The following ALG5 variants were observed in gnomAD, a reference collection of about 807,000 sequenced individuals.
ALG5 encodes the protein ALG5 dolichyl-phosphate beta-glucosyltransferase.
ALG5 carries 26 observed loss-of-function variants against 51.8 expected under a neutral mutation model. The ratio of observed to expected loss-of-function variants is 0.50; its 90% CI spans 0.37 to 0.70. The LOEUF is 0.70. Among genes scored for constraint, ALG5 ranks in the 30% least tolerant of loss-of-function variants. The pLI is 0.00. For synonymous variants in ALG5, 141 were observed against 136.1 expected, an observed-to-expected ratio of 1.04 and a Z score of -0.25; for missense variants, 311 against 399.3, an observed-to-expected ratio of 0.78 and a Z score of 1.88.
At chr13:36,989,888 C>CA (rs957395969) in intron 4 of ALG5, among the ~76,000 whole-genome samples, 4 of 152,086 alleles carry the variant, frequency 2.6e-5, no homozygotes, top group African/African-American at 7.2e-5. Context: ...CAAAAAACAA[C>CA]AAAAAAACCC....
At chr13:36,985,849 G>T in intron 5 of ALG5, 109 bp from the exon 6 acceptor site, 1 of 632,806 alleles carries the variant, frequency 1.6e-6, no homozygotes, top group African/African-American at 1.8e-5. Context: ...GATGAGGTAT[G>T]AGATGGCTGA....
At chr13:36,972,203 C>G (rs2058927230) in intron 6 of ALG5, among the ~76,000 whole-genome samples, 167 bp from the exon 7 acceptor site, 1 of 151,924 alleles carries the variant, frequency 6.6e-6, no homozygotes, top group Non-Finnish European at 1.5e-5. Flanking sequence ...CTTTGAGAAG[C>G]CTAATCATAC....
At chr13:36,999,169 G>C (rs1445870981) in intron 1 of ALG5, 66 bp downstream of exon 1, 6 of 1,399,924 alleles carry the variant, frequency 4.3e-6, no homozygotes, top group Non-Finnish European at 5.7e-6. Flanking sequence ...GGGGACGCCT[G>C]AGGAGCCGCA....
chr13:36,956,755 T>C lies in ALG5; in HGVS notation c.774-4156A>G, dbSNP rs529068055. Among the ~76,000 whole-genome samples the C allele has an allele frequency of 5.7e-3, 869 of 152,198 alleles. 4 individuals carry two copies. Among genetic ancestry groups the C allele is most frequent in the Non-Finnish European group, 8.2e-3 (561 of 68,018 alleles). ...GGTCCGTGTTTGTTACGGCTCGAGCTGAGCTTTAAGAGGTGGCAGTCTTAC... is the reference window on the plus strand; with the variant it reads ...GGTCCGTGTTTGTTACGGCTCGAGCCGAGCTTTAAGAGGTGGCAGTCTTAC... On this transcript the variant is annotated intron_variant, in intron 8 of 9. Coordinates refer to ENST00000239891, the MANE Select transcript of ALG5 (RefSeq NM_013338.5).
intron 6 of ALG5, 119 bp downstream of exon 6, chr13:36,985,508 A>G (rs2058998109): frequency 1.5e-6 from 1 of 678,962 alleles, no homozygotes; most frequent in Non-Finnish European, 2.5e-6. Flanking sequence ...CCATTTGTAT[A>G]AGGATTTCAT....
chr13:36,985,888 T>C (rs1235780906), intron 5 of ALG5, 148 bp from the exon 6 acceptor site: 3 of 498,078 alleles, frequency 6.0e-6, no homozygotes, highest in African/African-American at 1.9e-5. Context: ...GAAAACAAAT[T>C]ACCTGTATAT....
intron 7 of ALG5, 132 bp from the exon 8 acceptor site, chr13:36,965,858 C>T (rs1402850151): frequency 1.4e-6 from 1 of 709,512 alleles, no homozygotes; most frequent in Non-Finnish European, 2.2e-6. Context: ...CACCACTGTT[C>T]CATGAGCTTC....
intron 8 of ALG5, among the ~76,000 whole-genome samples, chr13:36,958,029 T>C (rs2058848500): frequency 6.6e-6 from 1 of 151,982 alleles, no homozygotes; most frequent in African/African-American, 2.4e-5. Context: ...AAACCGAAAA[T>C]CCAGGAGACA....
At chr13:36,953,278 G>A (rs146790716) in intron 8 of ALG5, among the ~76,000 whole-genome samples, 3 of 152,268 alleles carry the variant, frequency 2.0e-5, no homozygotes, top group Admixed American at 2.0e-4. Context: ...ACCATTTCCA[G>A]TCTAAATCTC....
At chr13:36,980,098 CT>C (rs1335548543) in intron 6 of ALG5, among the ~76,000 whole-genome samples, 1 of 152,008 alleles carries the variant, frequency 6.6e-6, no homozygotes, top group Non-Finnish European at 1.5e-5. Context: ...AAGTCACAGC[CT>C]GAGAAATGAC....
At chr13:36,962,975 G>T (rs1320568236) in intron 8 of ALG5, among the ~76,000 whole-genome samples, 1 of 152,044 alleles carries the variant, frequency 6.6e-6, no homozygotes, top group Non-Finnish European at 1.5e-5. Flanking sequence ...TAAGAGACAG[G>T]ATTTACCCTG....
Position 36,984,219 on chromosome 13 carries a change from C to A in ALG5, c.561+1408G>T, listed in dbSNP as rs148532762. Among the ~76,000 whole-genome samples the A allele has an allele frequency of 3.0e-4, 46 of 151,966 alleles. No individual in the cohort carries two copies. The East Asian group carries it at 8.9e-3, about 29-fold the overall frequency. ...GCTCAAATGATCCTCCTGCCTCAGCCTCCTAAGTAGCTGGGACTAGACGCA... is the reference window on the plus strand; with the variant it reads ...GCTCAAATGATCCTCCTGCCTCAGCATCCTAAGTAGCTGGGACTAGACGCA... On this transcript the variant is annotated intron_variant, in intron 6 of 9. Coordinates refer to ENST00000239891, the MANE Select transcript of ALG5 (RefSeq NM_013338.5).
chr13:36,967,989 G>C (rs1014613257), intron 7 of ALG5: 1 of 266,002 alleles, frequency 3.8e-6, no homozygotes, highest in African/African-American at 2.2e-5. Flanking sequence ...ATTTTTGTTT[G>C]CTTTAGGATA....
chr13:36,995,920 G>A (rs560675498), intron 1 of ALG5, among the ~76,000 whole-genome samples: 1 of 152,230 alleles, frequency 6.6e-6, no homozygotes, highest in East Asian at 1.9e-4. Context: ...TCTACTCTCA[G>A]GTGCCCTAAA....
At chr13:36,953,719 T>C (rs1231702466) in intron 8 of ALG5, among the ~76,000 whole-genome samples, 1 of 152,204 alleles carries the variant, frequency 6.6e-6, no homozygotes, top group Non-Finnish European at 1.5e-5. Flanking sequence ...TTTGCCACAA[T>C]ACCATAATCA....
chr13:36,956,093 T>C (rs1449258386), intron 8 of ALG5, among the ~76,000 whole-genome samples: 4 of 152,168 alleles, frequency 2.6e-5, no homozygotes, highest in Admixed American at 2.6e-4. Context: ...AAAATATCTG[T>C]AGGCCATATA....
intron 8 of ALG5, among the ~76,000 whole-genome samples, chr13:36,956,544 G>A (rs1028219632): frequency 3.3e-5 from 5 of 152,286 alleles, no homozygotes; most frequent in Admixed American, 6.5e-5. Flanking sequence ...TCACTGCAGC[G>A]CTGTTCACAA....
In ALG5 at chr13:36,965,595, T is replaced by C. The variant is rs1236448191; in HGVS notation, c.753A>G (p.Ser251=). The change falls in exon 8 of 10, where the codon TCA becomes TCG. Residue 251 remains serine, a synonymous_variant. Transcript: ENST00000239891. ...FTREAASRTF[S]SLHVERWAFD... is the part of the protein sequence containing the mutation. ...CCTACCATCGTTCAACGTGTAGAGA[T>C]GAAAACGTCCGTGAAGCTGCTTCTC... is the stretch of plus-strand genomic sequence containing the variant. 3.1e-6 allele frequency: 5 copies of C among 1,613,800 alleles called. No individual in the cohort carries two copies. Among genetic ancestry groups the C allele is most frequent in the Admixed American group, 1.7e-5 (1 of 59,976 alleles).
chr13:36,954,249 A>G (rs2058830302), intron 8 of ALG5, among the ~76,000 whole-genome samples: 1 of 105,026 alleles, frequency 9.5e-6, no homozygotes, highest in African/African-American at 3.2e-5. Flanking sequence ...ATTCCTTACT[A>G]GTCCTATAAT....
Sources: allele counts gnomAD v4.1 joint callset (sites outside exome capture counted in the v4.1 genomes callset), GRCh38; gene constraint gnomAD v4.1.1; transcripts MANE v1.5; gene names NCBI Gene and HGNC (gene_info 2026-07-23, HGNC 2026-07-21).